Variants in SELENOP observed in about 807,000 individuals in gnomAD.
SELENOP encodes the protein selenoprotein P, plasma, 1.
Under a neutral mutation model 41.0 loss-of-function variants are expected in SELENOP, and 36 were observed. That is an observed-to-expected ratio of 0.88 (90% confidence interval 0.67 to 1.16). The LOEUF (loss-of-function observed/expected upper bound fraction) is 1.16. Ranked by LOEUF, SELENOP falls within the 50% of genes most tolerant of loss-of-function variation. The pLI, the probability that SELENOP is intolerant of heterozygous loss-of-function variation, is 0.00. For synonymous variants in SELENOP, 144 were observed against 150.8 expected (o/e 0.95, Z 0.33); for missense variants, 440 against 454.2 (o/e 0.97, Z 0.28).
intron 2 of SELENOP, chr5:42,807,427 GA>G (rs151117081): frequency 1.9e-4 from 33 of 170,020 alleles, no homozygotes; most frequent in South Asian, 3.0e-4. Flanking sequence ...AAAATGGTTG[GA>G]AAAAAAAAGA....
At chr5:42,811,466 G>T (rs1760456534) in intron 1 of SELENOP, among the ~76,000 whole-genome samples, 1 of 152,020 alleles carries the variant, frequency 6.6e-6, no homozygotes. Flanking sequence ...CAAATGGCTG[G>T]GTTTTTTCCC....
Position 42,808,210 on chromosome 5 carries a change from T to C in SELENOP, c.144A>G (p.Ser48=), listed in dbSNP as rs532045242. The C allele has an allele frequency of 9.6e-5, 152 of 1,583,120 alleles. No homozygotes were observed. The highest frequency in any genetic ancestry group is 3.4e-6 in the Non-Finnish European group (4 of 1,165,420). ...CTTGAAGAAGAGCAACCACAGTCACTGAACCATTGGAGTTTAGCATTGGAT... is the reference window on the plus strand; with the variant it reads ...CTTGAAGAAGAGCAACCACAGTCACCGAACCATTGGAGTTTAGCATTGGAT... ...DQDPMLNSNG[S]VTVVALLQAS... Residue 48 remains serine (S), a synonymous_variant, in exon 2 of 5, where the codon TCA becomes TCG. Coordinates refer to ENST00000514985, the MANE Select transcript of SELENOP (RefSeq NM_005410.4).
intron 1 of SELENOP, 64 bp from the exon 2 acceptor site, chr5:42,808,430 CTA>C (rs892207046): frequency 3.7e-6 from 2 of 539,284 alleles, no homozygotes; most frequent in Admixed American, 8.6e-5. Flanking sequence ...CTATGAATTT[CTA>C]TAAATCCTGC....
chr5:42,808,469 C>G, intron 1 of SELENOP, 103 bp from the exon 2 acceptor site: 1 of 415,228 alleles, frequency 2.4e-6, no homozygotes, highest in Non-Finnish European at 4.1e-6. Context: ...CCTAAAAATA[C>G]CTAGCCCATG....
intron 1 of SELENOP, among the ~76,000 whole-genome samples, chr5:42,810,390 G>A (rs769898620): frequency 1.3e-5 from 2 of 152,154 alleles, no homozygotes; most frequent in Non-Finnish European, 2.9e-5. Context: ...AGTAGTTACA[G>A]AACCTTGGCA....
intron 3 of SELENOP, chr5:42,806,381 T>G (rs1356099415): frequency 6.6e-6 from 1 of 152,406 alleles, no homozygotes; most frequent in African/African-American, 2.4e-5. Context: ...ATAATTAAAT[T>G]TAAGATGTTT....
intron 1 of SELENOP, among the ~76,000 whole-genome samples, chr5:42,809,247 GTTCCTATGACTAGAAAA>G (rs1267353516): frequency 6.6e-6 from 1 of 152,168 alleles, no homozygotes; most frequent in African/African-American, 2.4e-5. Context: ...TTATTGGAAA[GTTCCTATGACTAGAAAA>G]TTCCTATGAC....
chr5:42,811,278 C>T (rs1484017589), intron 1 of SELENOP, among the ~76,000 whole-genome samples: 1 of 152,226 alleles, frequency 6.6e-6, no homozygotes, highest in African/African-American at 2.4e-5. Flanking sequence ...TGCATTTAAT[C>T]ACAGACCACC....
Position 42,801,213 on chromosome 5 carries a change from A to G in SELENOP, c.653T>C (p.Leu218Pro). 1 of 1,614,172 alleles carries G rather than the reference A, an allele frequency of 6.2e-7. No individual in the cohort carries two copies. The highest frequency in any genetic ancestry group is 8.5e-7 in the Non-Finnish European group (1 of 1,180,038). Residue 218 changes from leucine to proline, a missense_variant, in exon 5 of 5, where the codon CTT becomes CCT. Coordinates refer to ENST00000514985, the MANE Select transcript of SELENOP (RefSeq NM_005410.4). ...EHHHNHGHQH[L>P]GSSELSENQQ... ...ATTCTCTGAAAGCTCACTGCTGCCA[A>G]GGTGCTGATGTCCATGATTGTGATG...
chr5:42,809,885 T>G, intron 1 of SELENOP: 2 of 210,486 alleles, frequency 9.5e-6, no homozygotes, highest in Non-Finnish European at 1.4e-5. Context: ...TAAAATATTC[T>G]AATATTTTAA....
At chr5:42,806,574 C>T (rs1177942344) in intron 3 of SELENOP, 1 of 210,368 alleles carries the variant, frequency 4.8e-6, no homozygotes, top group Non-Finnish European at 9.8e-6. Flanking sequence ...CAAACACATA[C>T]AGAATAAACC....
chr5:42,809,367 G>A (rs555340136), intron 1 of SELENOP, among the ~76,000 whole-genome samples: 1 of 152,252 alleles, frequency 6.6e-6, no homozygotes, highest in East Asian at 1.9e-4. Flanking sequence ...CTCAAAACTA[G>A]GGCTAGCTCT....
chr5:42,800,812 A>G lies in SELENOP; in HGVS notation c.1054T>C (p.Sec352Arg), dbSNP rs753368511. The G allele has an allele frequency of 3.1e-6, 5 of 1,614,078 alleles. No homozygotes were observed. The South Asian group carries it at 5.5e-5, about 18-fold the overall frequency. The change falls in exon 5 of 5, where the codon TGA becomes CGA. Residue 352 changes from selenocysteine to arginine, a missense_variant. Transcript: ENST00000514985. ...SCQURLPPAAUQISQQLIPTE... is the reference protein window; with the variant it reads ...SCQURLPPAARQISQQLIPTE... ...GGTATAAGCTGCTGACTTATTTGTC[A>G]GGCAGCTGGAGGCAAACGTCACTGA...
intron 1 of SELENOP, among the ~76,000 whole-genome samples, chr5:42,809,505 T>C (rs984285437): frequency 1.3e-5 from 2 of 152,132 alleles, no homozygotes; most frequent in African/African-American, 4.8e-5. Context: ...TAAGAATCTG[T>C]GGGGAGAGAT....
At position 42,808,279 on chromosome 5, in the gene SELENOP, G is replaced by T; in HGVS notation, c.75C>A (p.Ser25Arg). Residue 25 changes from serine (S) to arginine (R), a missense_variant, in exon 2 of 5, where the codon AGC becomes AGA. By Grantham distance (110) the Ser-to-Arg change is moderately radical (BLOSUM62 -1). Transcript: ENST00000514985. ...AGGCTGGGGGTTGCTTACATAAGGA[G>T]CTTTGGTCCTGGCTCTCTGTTCCTC... ...PSGGTESQDQ[S>R]SLCKQPPAWS... 6.4e-7 allele frequency: 1 copy of T among 1,567,604 alleles called. No homozygotes were observed. The highest frequency in any genetic ancestry group is 8.6e-7 in the Non-Finnish European group (1 of 1,156,710).
chr5:42,811,889 C>T lies in SELENOP; in HGVS notation c.-67G>A, dbSNP rs146102466. 5.8e-4 allele frequency: 89 copies of T among 152,320 alleles called. No homozygotes were observed. Among genetic ancestry groups the T allele is most frequent in the African/African-American group, 2.1e-3 (88 of 41,554 alleles). 9.4% of individuals were successfully genotyped at this position (152,320 alleles called of 1,614,324 possible). ...TTCTCTTTGCTTTACTCTGGCAGCT[C>T]CACAAAGCCACAGCAGCACACTCTG... On this transcript the variant is annotated 5_prime_UTR_variant, in exon 1 of 5. Transcript: ENST00000514985.
chr5:42,801,632 C>T, intron 4 of SELENOP: 1 of 397,852 alleles, frequency 2.5e-6, no homozygotes. Flanking sequence ...TTCAGTTGAT[C>T]TGGGCCGAGC....
rs72563758 is a variant in SELENOP at position 42,801,261 on chromosome 5, G to A, written c.605C>T (p.Ser202Leu). Residue 202 changes from serine (S) to leucine (L), a missense_variant, in exon 5 of 5, where the codon TCG becomes TTG. Coordinates refer to ENST00000514985, the MANE Select transcript of SELENOP (RefSeq NM_005410.4). ...ATGATGCTCATGATGGTAATGAGGC[G>A]ATGGAGTTTCAACTGTTTTATCCAC... is the stretch of plus-strand genomic sequence containing the variant. The part of the protein sequence containing the change: ...ATVDKTVETP[S>L]PHYHHEHHHN... The A allele has an allele frequency of 8.5e-4, 1,377 of 1,614,022 alleles. 2 individuals are homozygous for A. The highest frequency in any genetic ancestry group is 1.1e-3 in the Non-Finnish European group (1,305 of 1,179,922).
rs201579106 is a variant in SELENOP, at chr5:42,800,776, T to C, written c.1090A>G (p.Ser364Gly). 4,084 of 1,613,542 alleles carry C rather than the reference T, an allele frequency of 2.5e-3. 13 individuals carry two copies. The highest frequency in any genetic ancestry group is 2.7e-3 in the Non-Finnish European group (3,187 of 1,179,542). The change falls in exon 5 of 5, where the codon AGT (serine) becomes GGT (glycine). Residue 364 changes from serine (S) to glycine (G), a missense_variant. Coordinates refer to ENST00000514985, the MANE Select transcript of SELENOP (RefSeq NM_005410.4). The stretch of plus-strand genomic sequence containing the variant: ...TGATTCTTTCAGCGTCAACTGGCAC[T>C]GGCTTCTGTGGGTATAAGCTGCTGA... ...ISQQLIPTEA[S>G]ASURUKNQAK...
Sources: allele counts gnomAD v4.1 joint callset (sites outside exome capture counted in the v4.1 genomes callset), GRCh38; gene constraint gnomAD v4.1.1; transcripts MANE v1.5; gene names NCBI Gene and HGNC (gene_info 2026-07-23, HGNC 2026-07-21).